The following WDR7 variants were observed in gnomAD, a reference collection of about 807,000 sequenced individuals.
The protein encoded by WDR7 is WD repeat-containing protein 7.
WDR7 carries 46 observed loss-of-function variants against 169.4 expected under a neutral mutation model. That is an observed-to-expected ratio of 0.27 (90% CI 0.21 to 0.35). The LOEUF is 0.35. Ranked by LOEUF, WDR7 falls within the 10% of genes least tolerant of loss-of-function variation. WDR7 has a pLI of 1.00. For synonymous variants in WDR7, 612 were observed against 666.8 expected, an observed-to-expected ratio of 0.92 and a Z score of 1.27; for missense variants, 1,534 against 1,859.3, an observed-to-expected ratio of 0.83 and a Z score of 3.22.
intron 20 of WDR7, among the ~76,000 whole-genome samples, chr18:56,823,685 G>A (rs1354173896): frequency 2.0e-5 from 3 of 152,102 alleles, no homozygotes; most frequent in Non-Finnish European, 2.9e-5. Flanking sequence ...TAATGGTACC[G>A]TTAATGACCT....
chr18:56,784,875 G>C (rs769707160), intron 19 of WDR7, among the ~76,000 whole-genome samples: 1 of 150,842 alleles, frequency 6.6e-6, no homozygotes, highest in Non-Finnish European at 1.5e-5. Context: ...TTAGCTAAAT[G>C]CTGGCTTACT....
At chr18:56,664,960 G>C (rs536086802) in intron 1 of WDR7, among the ~76,000 whole-genome samples, 48 of 152,254 alleles carry the variant, frequency 3.2e-4, no homozygotes, top group African/African-American at 1.1e-3. Flanking sequence ...TGTATGTTCA[G>C]AACGCCATGT....
At chr18:56,837,634 A>T (rs924803134) in intron 20 of WDR7, among the ~76,000 whole-genome samples, 3 of 152,178 alleles carry the variant, frequency 2.0e-5, no homozygotes, top group Non-Finnish European at 4.4e-5. Flanking sequence ...ATATAACATT[A>T]AGCATTTTAT....
At chr18:56,777,110 G>T (rs1170998775) in intron 17 of WDR7, among the ~76,000 whole-genome samples, 1 of 152,194 alleles carries the variant, frequency 6.6e-6, no homozygotes, top group Non-Finnish European at 1.5e-5. Context: ...ACTGTTAAGT[G>T]CAGAGATGCC....
At chr18:56,850,202 T>C (rs534310516) in intron 20 of WDR7, among the ~76,000 whole-genome samples, 189 of 152,362 alleles carry the variant, frequency 1.2e-3, no homozygotes, top group African/African-American at 4.4e-3. Flanking sequence ...CTTTCTCTGG[T>C]ACATAATTCA....
chr18:56,911,810 A>G (rs766661983), intron 21 of WDR7, among the ~76,000 whole-genome samples: 3 of 152,230 alleles, frequency 2.0e-5, no homozygotes, highest in Non-Finnish European at 4.4e-5. Context: ...TTAAAAGAAG[A>G]GACAATTATG....
chr18:56,900,850 G>A (rs1286320308), intron 21 of WDR7, among the ~76,000 whole-genome samples: 8 of 152,184 alleles, frequency 5.3e-5, no homozygotes, highest in Non-Finnish European at 1.2e-4. Context: ...GGGGAGGGAA[G>A]TGTTTTTCCC....
intron 20 of WDR7, among the ~76,000 whole-genome samples, chr18:56,831,529 A>G (rs1229112688): frequency 6.6e-6 from 1 of 152,070 alleles, no homozygotes; most frequent in Non-Finnish European, 1.5e-5. Context: ...GTTTATATTT[A>G]TTTAAAACAT....
rs577095101 is a variant in WDR7 at position 56,939,218 on chromosome 18, T to G, written c.3982-93T>G. 3.5e-5 allele frequency: 32 copies of G among 911,694 alleles called. 1 individual carries two copies. The South Asian group carries it at 6.0e-4, about 17-fold the overall frequency. 56.5% of individuals were successfully genotyped at this position (911,694 alleles called of 1,614,324 possible). Reference sequence around the variant, plus strand: ...AATACTAAAATAAAGCTATATAGACTTTCTATGGGCAAATGAGGCCTAAAT... The same window carrying G: ...AATACTAAAATAAAGCTATATAGACGTTCTATGGGCAAATGAGGCCTAAAT... On this transcript the variant is annotated intron_variant, in intron 24 of 27. Coordinates refer to ENST00000254442, the MANE Select transcript of WDR7 (RefSeq NM_015285.3).
chr18:56,654,689 A>T (rs1217767138), intron 1 of WDR7, among the ~76,000 whole-genome samples: 4 of 152,214 alleles, frequency 2.6e-5, no homozygotes, highest in African/African-American at 9.6e-5. Flanking sequence ...CAAATTAAAA[A>T]ATCTTTTGGC....
In WDR7 at chr18:56,803,500, ATATCT is replaced by A. The variant is rs1425889870; in HGVS notation, c.3191-12527_3191-12523del. On this transcript the variant is annotated intron_variant, in intron 19 of 27. Coordinates refer to ENST00000254442, the MANE Select transcript of WDR7 (RefSeq NM_015285.3). The stretch of plus-strand genomic sequence containing the variant: ...AAATATTCTGATTTTTTGCCATCAA[ATATCT>A]TATTTATAAACATGTATCGTAAGAC... Among the ~76,000 whole-genome samples the A allele has an allele frequency of 5.9e-5, 9 of 152,170 alleles. No homozygotes were observed. In the East Asian group the frequency reaches 1.7e-3, roughly 29 times the overall value.
intron 26 of WDR7, among the ~76,000 whole-genome samples, chr18:56,967,048 T>C (rs1015426369): frequency 2.6e-5 from 4 of 152,192 alleles, no homozygotes; most frequent in African/African-American, 9.7e-5. Flanking sequence ...GCGATTATTA[T>C]ATTAAAATAA....
At chr18:56,728,179 T>A (rs1233936279) in intron 13 of WDR7, among the ~76,000 whole-genome samples, 1 of 152,206 alleles carries the variant, frequency 6.6e-6, no homozygotes, top group Non-Finnish European at 1.5e-5. Context: ...ATCACTAGAG[T>A]TTACTTAGGT....
chr18:56,906,490 T>C (rs2046477810), intron 21 of WDR7, among the ~76,000 whole-genome samples: 1 of 151,934 alleles, frequency 6.6e-6, no homozygotes, highest in Admixed American at 6.6e-5. Context: ...AGCTGGATGA[T>C]GGGTACAGCA....
At chr18:56,833,257 A>C (rs1196793265) in intron 20 of WDR7, among the ~76,000 whole-genome samples, 1 of 151,952 alleles carries the variant, frequency 6.6e-6, no homozygotes, top group Non-Finnish European at 1.5e-5. Context: ...AGATCAACTT[A>C]ATGAAATAAA....
chr18:56,951,663 T>C (rs1406920049), intron 25 of WDR7, among the ~76,000 whole-genome samples: 5 of 152,158 alleles, frequency 3.3e-5, no homozygotes, highest in African/African-American at 1.2e-4. Context: ...AAGCTACATA[T>C]ATACTGTATA....
chr18:57,021,359 C>T (rs984453500), intron 27 of WDR7, among the ~76,000 whole-genome samples: 3 of 152,162 alleles, frequency 2.0e-5, no homozygotes, highest in African/African-American at 4.8e-5. Context: ...TTCATTTACA[C>T]GAGGCCTTCA....
chr18:56,900,082 G>GTGTGTATATATA (rs1409730889), intron 21 of WDR7, among the ~76,000 whole-genome samples: 2 of 32,048 alleles, frequency 6.2e-5, no homozygotes, highest in African/African-American at 1.2e-4. Context: ...GTGTGTGTGT[G>GTGTGTATATATA]TATATATATA....
chr18:56,836,319 A>C (rs1372818599), intron 20 of WDR7, among the ~76,000 whole-genome samples: 1 of 152,218 alleles, frequency 6.6e-6, no homozygotes, highest in East Asian at 1.9e-4. Flanking sequence ...CCAAGCAACC[A>C]GCCCCTACCT....
Sources: gnomAD v4.1 joint callset for allele counts (sites outside exome capture counted in the v4.1 genomes callset) on GRCh38, gnomAD v4.1.1 for gene constraint, MANE v1.5 for transcripts, NCBI Gene and HGNC (gene_info 2026-07-23, HGNC 2026-07-21) for gene names.